The following RNPEP variants were observed in gnomAD, a reference collection of about 807,000 sequenced individuals.
The protein encoded by RNPEP is arginyl aminopeptidase.
In RNPEP, 57 loss-of-function variants were observed where a neutral mutation model predicts 70.1. The observed-to-expected ratio is 0.81, with a 90% CI of 0.66 to 1.01. The LOEUF (loss-of-function observed/expected upper bound fraction) is 1.01. RNPEP is among the 50% of genes least tolerant of loss of function. RNPEP has a pLI of 0.00. For synonymous variants in RNPEP, 335 were observed against 357.4 expected (o/e 0.94, Z 0.71); for missense variants, 787 against 852.4 (o/e 0.92, Z 0.96).
At position 202,005,720 on chromosome 1, in the gene RNPEP, C is replaced by A. The variant is rs943465578; in HGVS notation, c.*4C>A. On this transcript the variant is annotated 3_prime_UTR_variant, in exon 11 of 11. Transcript: ENST00000295640. ...CGTGGCACCCAAGGGCAGTTAGAGGCTCGTGTGCATGGCCCCTGCCTCTTC... is the reference window on the plus strand; with the variant it reads ...CGTGGCACCCAAGGGCAGTTAGAGGATCGTGTGCATGGCCCCTGCCTCTTC... 6.8e-6 allele frequency: 11 copies of A among 1,613,924 alleles called. No individual in the cohort carries two copies. In the Admixed American group the frequency reaches 1.8e-4, roughly 27 times the overall value.
At chr1:201,985,297 A>G (rs1683096074) in intron 1 of RNPEP, among the ~76,000 whole-genome samples, 1 of 152,064 alleles carries the variant, frequency 6.6e-6, no homozygotes, top group Admixed American at 6.6e-5. Flanking sequence ...TGACTGGTAT[A>G]GTGGCACCAT....
intron 10 of RNPEP, 143 bp downstream of exon 10, chr1:202,004,639 A>C: frequency 1.0e-6 from 1 of 997,156 alleles, no homozygotes; most frequent in Non-Finnish European, 1.5e-6. Flanking sequence ...CCTACCACTC[A>C]GCCTCTTTAC....
rs761432020 is a variant in RNPEP at position 201,997,394 on chromosome 1, C to T, written c.930C>T (p.Pro310=). 14 of 1,614,082 alleles carry T rather than the reference C, an allele frequency of 8.7e-6. No individual in the cohort carries two copies. The African/African-American group carries it at 1.6e-4, about 18-fold the overall frequency. The change falls in exon 5 of 11, where the codon CCC becomes CCT. Residue 310 remains proline, a synonymous_variant. Coordinates refer to ENST00000295640, the MANE Select transcript of RNPEP (RefSeq NM_020216.4). ...MENPCLTFVT[P]CLLAGDRSLA... is the part of the protein sequence containing the mutation. Reference sequence around the variant, plus strand: ...ACCCTTGTCTGACCTTTGTCACCCCCTGCCTGCTAGCTGGGGACCGCTCCT... The same window carrying T: ...ACCCTTGTCTGACCTTTGTCACCCCTTGCCTGCTAGCTGGGGACCGCTCCT...
intron 1 of RNPEP, chr1:201,983,341 G>T: frequency 6.8e-7 from 1 of 1,479,990 alleles, no homozygotes; most frequent in Non-Finnish European, 9.0e-7. Flanking sequence ...CCACTGGGCG[G>T]TGCATCCTTC....
Position 202,005,640 on chromosome 1 carries a change from T to C in RNPEP, c.1877T>C (p.Phe626Ser). The C allele has an allele frequency of 3.1e-6, 5 of 1,614,172 alleles. No homozygotes were observed. The highest frequency in any genetic ancestry group is 4.2e-6 in the Non-Finnish European group (5 of 1,180,028). Residue 626 changes from phenylalanine (F) to serine (S), a missense_variant, in exon 11 of 11, where the codon TTT (phenylalanine) becomes TCT (serine). Physicochemically the swap from Phe to Ser is radical, Grantham distance 155. Coordinates refer to ENST00000295640, the MANE Select transcript of RNPEP (RefSeq NM_020216.4). ...GCCCAGACCCTCGCCAAGGAGACTT[T>C]TGCATCCACCGCCTCCCAGCTCCAC... The part of the protein sequence containing the change: ...EVAQTLAKET[F>S]ASTASQLHSN...
intron 5 of RNPEP, 43 bp downstream of exon 5, chr1:201,997,597 T>G: frequency 6.7e-7 from 1 of 1,503,376 alleles, no homozygotes; most frequent in South Asian, 1.1e-5. Flanking sequence ...CCTCCCATTC[T>G]TAACCTGTGG....
At chr1:201,986,889 T>G (rs571735226) in intron 1 of RNPEP, among the ~76,000 whole-genome samples, 2 of 152,308 alleles carry the variant, frequency 1.3e-5, no homozygotes, top group Admixed American at 6.5e-5. Flanking sequence ...CCACATGATT[T>G]ATGACTGTCA....
chr1:202,005,893 C>A lies in RNPEP; in HGVS notation c.*177C>A. ...CCTCTGCTCTGGTGGGAACTTACTT[C>A]TCTATAGCCCACTGAGCCCCGAGAC... On this transcript the variant is annotated 3_prime_UTR_variant, in exon 11 of 11. Transcript: ENST00000295640. The A allele has an allele frequency of 2.8e-6, 2 of 719,940 alleles. No individual in the cohort carries two copies. Among genetic ancestry groups the A allele is most frequent in the Non-Finnish European group, 4.5e-6 (2 of 448,734 alleles). 44.6% of individuals were successfully genotyped at this position (719,940 alleles called of 1,614,324 possible). A position where few individuals can be genotyped will look rare whatever the true frequency, so the allele number is the denominator to read the frequency against.
chr1:201,985,569 C>G (rs6689324), intron 1 of RNPEP, among the ~76,000 whole-genome samples: 3 of 151,912 alleles, frequency 2.0e-5, no homozygotes, highest in African/African-American at 7.3e-5. Context: ...ATTGAGCAGC[C>G]AGTTCAGAGA....
intron 6 of RNPEP, 102 bp downstream of exon 6, chr1:202,000,117 T>G: frequency 1.2e-6 from 1 of 850,942 alleles, no homozygotes; most frequent in Non-Finnish European, 1.9e-6. Context: ...TAGAATACTT[T>G]ATTTGGAGGG....
At chr1:202,002,211 T>C (rs1251420417) in intron 8 of RNPEP, among the ~76,000 whole-genome samples, 1 of 151,164 alleles carries the variant, frequency 6.6e-6, no homozygotes, top group Admixed American at 6.6e-5. Flanking sequence ...TTGCCCAGGC[T>C]GGAGTGCAAT....
chr1:201,992,729 T>C (rs899848770), intron 3 of RNPEP, among the ~76,000 whole-genome samples: 1 of 152,184 alleles, frequency 6.6e-6, no homozygotes, highest in African/African-American at 2.4e-5. Flanking sequence ...TCCCTTGTTA[T>C]ACAATTCCTT....
At chr1:201,988,200 C>G (rs1683199189) in intron 1 of RNPEP, among the ~76,000 whole-genome samples, 1 of 151,354 alleles carries the variant, frequency 6.6e-6, no homozygotes, top group South Asian at 2.1e-4. Context: ...TGGCTTATGC[C>G]TGTATTCCCA....
At position 202,001,684 on chromosome 1, in the gene RNPEP, G is replaced by A. The variant is rs759183101; in HGVS notation, c.1343G>A (p.Arg448Gln). Reference sequence around the variant, plus strand: ...GCCTATGTGCATGAATTCAAATTCCGAAGCATCTTAGCCGATGACTTTCTG... The same window carrying A: ...GCCTATGTGCATGAATTCAAATTCCAAAGCATCTTAGCCGATGACTTTCTG... ...LKAYVHEFKF[R>Q]SILADDFLDF... Residue 448 changes from arginine to glutamine, a missense_variant, in exon 8 of 11, where the codon CGA (arginine) becomes CAA (glutamine). By Grantham distance (43) the Arg-to-Gln change is conservative (BLOSUM62 1). Coordinates refer to ENST00000295640, the MANE Select transcript of RNPEP (RefSeq NM_020216.4). 19 of 1,613,594 alleles carry A rather than the reference G, an allele frequency of 1.2e-5. No homozygotes were observed. Among genetic ancestry groups the A allele is most frequent in the South Asian group, 8.8e-5 (8 of 91,084 alleles).
Position 201,988,898 on chromosome 1 carries a change from G to T in RNPEP, c.448-6G>T, listed in dbSNP as rs781489970. ...TCAGTTCTGAAATGTTCTTCTTTTCGCTTAGGTTTGCTGGTTGGCTCCCGA... is the reference window on the plus strand; with the variant it reads ...TCAGTTCTGAAATGTTCTTCTTTTCTCTTAGGTTTGCTGGTTGGCTCCCGA... On this transcript the variant is annotated splice_polypyrimidine_tract_variant and splice_region_variant and intron_variant, in intron 1 of 10. Coordinates refer to ENST00000295640, the MANE Select transcript of RNPEP (RefSeq NM_020216.4). 6.2e-7 allele frequency: 1 copy of T among 1,606,578 alleles called. No individual in the cohort carries two copies. Among genetic ancestry groups the T allele is most frequent in the African/African-American group, 1.3e-5 (1 of 74,724 alleles).
chr1:201,983,426 C>A, intron 1 of RNPEP: 4 of 1,467,522 alleles, frequency 2.7e-6, no homozygotes, highest in Non-Finnish European at 3.7e-6. Context: ...CCGCTCATCG[C>A]ACACTGCCGT....
intron 1 of RNPEP, among the ~76,000 whole-genome samples, chr1:201,988,331 G>A (rs896845511): frequency 8.0e-5 from 12 of 150,812 alleles, no homozygotes; most frequent in South Asian, 2.1e-4. Flanking sequence ...TGGTGCACGC[G>A]CCTGTGGTCC....
intron 6 of RNPEP, 87 bp from the exon 7 acceptor site, chr1:202,001,289 G>A (rs1025543897): frequency 5.4e-5 from 49 of 900,752 alleles, no homozygotes; most frequent in Non-Finnish European, 6.9e-5. Context: ...CTCTTCCATC[G>A]CTAGTCTTTG....
At chr1:201,988,015 C>T (rs952534782) in intron 1 of RNPEP, among the ~76,000 whole-genome samples, 3 of 151,752 alleles carry the variant, frequency 2.0e-5, no homozygotes, top group Non-Finnish European at 4.4e-5. Flanking sequence ...TGGTGCATGC[C>T]TATAATCCCA....
Sources: gnomAD v4.1 joint callset for allele counts (sites outside exome capture counted in the v4.1 genomes callset) on GRCh38, gnomAD v4.1.1 for gene constraint, MANE v1.5 for transcripts, NCBI Gene and HGNC (gene_info 2026-07-23, HGNC 2026-07-21) for gene names.